UGT2B4: variants seen among roughly 807,000 people sequenced by gnomAD.
UGT2B4 encodes the protein UDP-glucuronosyltransferase 2B4.
A neutral mutation model predicts 49.8 loss-of-function variants in UGT2B4; 49 were observed. The observed-to-expected ratio is 0.98, with a 90% CI of 0.78 to 1.25. UGT2B4 has a LOEUF of 1.25. Among genes scored for constraint, UGT2B4 ranks in the 50% most tolerant of loss-of-function variants. UGT2B4 has a pLI of 0.00. For synonymous variants in UGT2B4, 246 were observed against 217.7 expected, an observed-to-expected ratio of 1.13 and a Z score of -1.14; for missense variants, 729 against 627.7, an observed-to-expected ratio of 1.16 and a Z score of -1.73.
intron 4 of UGT2B4, among the ~76,000 whole-genome samples, chr4:69,485,784 C>T (rs6848208): frequency 0.04 from 6,138 of 152,194 alleles, 386 homozygotes; most frequent in African/African-American, 0.14. Context: ...TTAATGGAGA[C>T]GGAGTCTCCC....
At chr4:69,504,067 A>G (rs1241430905) in intron 1 of UGT2B4, among the ~76,000 whole-genome samples, 2 of 152,218 alleles carry the variant, frequency 1.3e-5, no homozygotes, top group East Asian at 3.9e-4. Context: ...ATAAAAAAGA[A>G]AAATAAGCAA....
At chr4:69,496,350 G>A (rs982570717), upstream of UGT2B4, among the ~76,000 whole-genome samples, 1 of 152,102 alleles carries the variant, frequency 6.6e-6, no homozygotes, top group African/African-American at 2.4e-5. Flanking sequence ...CTGTAATTCA[G>A]CTAATATCAA....
chr4:69,525,582 A>G (rs1246659006), intron 1 of UGT2B4: 3 of 534,298 alleles, frequency 5.6e-6, no homozygotes, highest in Non-Finnish European at 7.4e-6. Flanking sequence ...GGGCAACGTG[A>G]TATAGTTTCA....
chr4:69,513,758 G>C (rs775949650), intron 1 of UGT2B4, among the ~76,000 whole-genome samples: 15 of 152,186 alleles, frequency 9.9e-5, no homozygotes, highest in Non-Finnish European at 2.2e-4. Context: ...TGAAGCAGTG[G>C]TTTGTAGTTC....
At chr4:69,524,389 G>T (rs1201069831) in intron 1 of UGT2B4, among the ~76,000 whole-genome samples, 1 of 151,382 alleles carries the variant, frequency 6.6e-6, no homozygotes, top group Non-Finnish European at 1.5e-5. Flanking sequence ...TCGTTTCTCA[G>T]GAATAGGCCA....
At position 69,495,194 on chromosome 4, in the gene UGT2B4, C is replaced by T; in HGVS notation, c.668G>A (p.Trp223Ter). Residue 223 changes from tryptophan (W) to a stop codon, truncating the protein, a stop_gained, in exon 1 of 6, where the codon TGG becomes TAG. Transcript: ENST00000305107. LOFTEE classifies it high-confidence loss of function. ...CTTCTTCATGTCAAATATTTGGAAC[C>T]AAAATTCAAAATAAAGCACATAGAT... is the stretch of plus-strand genomic sequence containing the variant. ...NMIYVLYFEFWFQIFDMKKWD... is the reference protein window; with the variant it reads ...NMIYVLYFEF The T allele has an allele frequency of 6.3e-7, 1 of 1,588,404 alleles. No homozygotes were observed.
intron 2 of UGT2B4, 100 bp from the exon 3 acceptor site, chr4:69,489,670 G>A: frequency 6.8e-7 from 1 of 1,472,522 alleles, no homozygotes; most frequent in Non-Finnish European, 9.1e-7. Flanking sequence ...GTTTTATCAG[G>A]AATTATTGGA....
chr4:69,525,831 G>T (rs1289753717), exon 1 of UGT2B4: 2 of 847,558 alleles, frequency 2.4e-6, no homozygotes, highest in Non-Finnish European at 3.1e-6. Context: ...GCTGGGCGAG[G>T]TGGCTCACAC....
chr4:69,485,146 C>A, intron 5 of UGT2B4, 62 bp downstream of exon 5: 1 of 1,558,700 alleles, frequency 6.4e-7, no homozygotes, highest in Non-Finnish European at 8.8e-7. Context: ...AAAAGTCATA[C>A]TCACTATTCA....
At chr4:69,481,826 A>G (rs1727601008) in intron 5 of UGT2B4, among the ~76,000 whole-genome samples, 1 of 152,218 alleles carries the variant, frequency 6.6e-6, no homozygotes, top group Non-Finnish European at 1.5e-5. Context: ...GAAATGCCTC[A>G]TAGCCACATG....
chr4:69,493,089 A>G (rs1728039871), intron 2 of UGT2B4, among the ~76,000 whole-genome samples: 1 of 151,978 alleles, frequency 6.6e-6, no homozygotes, highest in Admixed American at 6.6e-5. Context: ...CTTCCTTGCA[A>G]ACTAAACTTT....
chr4:69,512,796 T>A (rs1443561520), intron 1 of UGT2B4, among the ~76,000 whole-genome samples: 1 of 152,222 alleles, frequency 6.6e-6, no homozygotes, highest in African/African-American at 2.4e-5. Flanking sequence ...TATGAAATGA[T>A]GTCTCATTGT....
chr4:69,514,849 C>T (rs1026436605), intron 1 of UGT2B4, among the ~76,000 whole-genome samples: 7 of 152,018 alleles, frequency 4.6e-5, no homozygotes, highest in African/African-American at 1.7e-4. Flanking sequence ...GGAAGAAAAT[C>T]TAGAAACAAA....
At chr4:69,500,606 G>GCAAGCAAGAAAGCAAGAAAGCAAGAAAGC (rs1553896493), upstream of UGT2B4, among the ~76,000 whole-genome samples, 1 of 99,510 alleles carries the variant, frequency 1.0e-5, no homozygotes, top group African/African-American at 4.3e-5. Flanking sequence ...AGAAAGCAAG[G>GCAAGCAAGAAAGCAAGAAAGCAAGAAAGC]AAGAAAGAAA....
At chr4:69,503,846 A>T (rs1281177972) in intron 1 of UGT2B4, among the ~76,000 whole-genome samples, 1 of 152,174 alleles carries the variant, frequency 6.6e-6, no homozygotes, top group Admixed American at 6.5e-5. Flanking sequence ...ACTCTGCTGC[A>T]GCTGCTTCAC....
At chr4:69,501,382 C>A (rs1728314359) in intron 1 of UGT2B4, among the ~76,000 whole-genome samples, 1 of 152,118 alleles carries the variant, frequency 6.6e-6, no homozygotes, top group African/African-American at 2.4e-5. Context: ...CTTCTAGCCA[C>A]CCCAATCAGT....
At chr4:69,514,101 A>T (rs1728673392) in intron 1 of UGT2B4, among the ~76,000 whole-genome samples, 1 of 151,940 alleles carries the variant, frequency 6.6e-6, no homozygotes, top group African/African-American at 2.4e-5. Context: ...TGCTTTTTTT[A>T]AATTATACTT....
intron 1 of UGT2B4, among the ~76,000 whole-genome samples, chr4:69,520,935 G>A (rs1728837367): frequency 6.6e-6 from 1 of 152,196 alleles, no homozygotes; most frequent in Admixed American, 6.5e-5. Flanking sequence ...GAAGGCTGCT[G>A]CTGGAAGTAA....
rs180982040 is a variant in UGT2B4, at chr4:69,485,256, G to A, written c.1262C>T (p.Ser421Leu). Residue 421 changes from serine to leucine, a missense_variant, in exon 5 of 6, where the codon TCG becomes TTG. Ser to Leu is a moderately radical substitution (Grantham distance 145). Coordinates refer to ENST00000305107, the MANE Select transcript of UGT2B4 (RefSeq NM_021139.3). Reference sequence around the variant, plus strand: ...CAGTGCATTGAGTAAGTCTGTACTCGACATTGTGTGGAAGTCCAAACTAAC... The same window carrying A: ...CAGTGCATTGAGTAAGTCTGTACTCAACATTGTGTGGAAGTCCAAACTAAC... ...AAVSLDFHTM[S>L]STDLLNALKT... 2.2e-4 allele frequency: 363 copies of A among 1,613,740 alleles called. No homozygotes were observed. In the African/African-American group the frequency reaches 4.3e-3, roughly 19 times the overall value.
Sources: allele counts gnomAD v4.1 joint callset (sites outside exome capture counted in the v4.1 genomes callset), GRCh38; gene constraint gnomAD v4.1.1; transcripts MANE v1.5; gene names NCBI Gene and HGNC (gene_info 2026-07-23, HGNC 2026-07-21).